POM121C: variants seen among roughly 807,000 people sequenced by gnomAD.
POM121C encodes the protein nuclear envelope pore membrane protein POM 121C.
In POM121C, 20 loss-of-function variants were observed where a neutral mutation model predicts 66.4. The observed-to-expected ratio is 0.30, with a 90% CI of 0.21 to 0.44. The LOEUF is 0.44. POM121C is among the 20% of genes least tolerant of loss of function. The pLI is 1.00. For missense variants in POM121C, 580 were observed against 1,225.7 expected, an observed-to-expected ratio of 0.47 and a Z score of 7.87; for synonymous variants, 286 against 528.0, an observed-to-expected ratio of 0.54 and a Z score of 6.28.
At chr7:75,435,040 C>T (rs1554472907) in intron 7 of POM121C, among the ~76,000 whole-genome samples, 1 of 152,186 alleles carries the variant, frequency 6.6e-6, no homozygotes, top group Non-Finnish European at 1.5e-5. Context: ...AAATCACATG[C>T]GCATTTAACC....
At chr7:75,461,572 G>A (rs1791442240) in intron 3 of POM121C, among the ~76,000 whole-genome samples, 1 of 151,978 alleles carries the variant, frequency 6.6e-6, no homozygotes, top group Admixed American at 6.6e-5. Flanking sequence ...GCACCACCAC[G>A]CCTGGCTAAT....
Position 75,424,218 on chromosome 7 carries a change from G to C in POM121C, c.879C>G (p.Ala293=), listed in dbSNP as rs373281768. 7 of 1,611,958 alleles carry C rather than the reference G, an allele frequency of 4.3e-6. No homozygotes were observed. In the African/African-American group the frequency reaches 6.7e-5, roughly 15 times the overall value. Residue 293 remains alanine (A), a synonymous_variant, in exon 12 of 15, where the codon GCC becomes GCG. Transcript: ENST00000615331. ...NQALEDKSDA[A]SNSVTETPPT... Reference sequence around the variant, plus strand: ...GTGGGGTCTCAGTGACAGAGTTCGAGGCAGCATCTAAGAAAGAAAGAAAGG... The same window carrying C: ...GTGGGGTCTCAGTGACAGAGTTCGACGCAGCATCTAAGAAAGAAAGAAAGG...
chr7:75,477,110 T>TACACAC (rs57918412), intron 1 of POM121C, among the ~76,000 whole-genome samples: 52 of 140,678 alleles, frequency 3.7e-4, no homozygotes, highest in Non-Finnish European at 5.3e-4. Flanking sequence ...TTTGCGTGTA[T>TACACAC]ACACACACAC....
chr7:75,427,204 T>C (rs1789979917), intron 7 of POM121C, among the ~76,000 whole-genome samples: 1 of 152,120 alleles, frequency 6.6e-6, no homozygotes, highest in South Asian at 2.1e-4. Context: ...GGGGGGTGGA[T>C]CACGAGGTCA....
chr7:75,443,338 C>T (rs1367029506), intron 3 of POM121C, among the ~76,000 whole-genome samples: 16 of 151,214 alleles, frequency 1.1e-4, no homozygotes, highest in Admixed American at 1.1e-3. Context: ...TGGGTATAGG[C>T]TTTCTCGTAG....
intron 3 of POM121C, among the ~76,000 whole-genome samples, chr7:75,449,502 C>A (rs1193294756): frequency 6.6e-6 from 1 of 151,940 alleles, no homozygotes. Flanking sequence ...GTAGCTGAGA[C>A]TATAGGCGCC....
In POM121C at chr7:75,417,160, C is replaced by T. The variant is rs1789499840; in HGVS notation, c.*1636G>A. ...CAGCTGCACACGCAGCCAGGTATAA[C>T]ACTCGCCCTCAGTCACAACGGGGAG... is the stretch of plus-strand genomic sequence containing the variant. On this transcript the variant is annotated 3_prime_UTR_variant, in exon 15 of 15. Coordinates refer to ENST00000615331, the MANE Select transcript of POM121C (RefSeq NM_001099415.3). 3 of 991,626 alleles carry T rather than the reference C, an allele frequency of 3.0e-6. No homozygotes were observed. The highest frequency in any genetic ancestry group is 2.4e-6 in the Non-Finnish European group (2 of 829,802). 61.4% of individuals were successfully genotyped at this position (991,626 alleles called of 1,614,324 possible). A position where few individuals can be genotyped will look rare whatever the true frequency, so the allele number is the denominator to read the frequency against.
intron 3 of POM121C, among the ~76,000 whole-genome samples, chr7:75,463,862 T>C (rs1791531999): frequency 1.3e-5 from 2 of 151,780 alleles, no homozygotes; most frequent in South Asian, 4.2e-4. Flanking sequence ...CTGACTGTTT[T>C]TGGATTTTTA....
intron 1 of POM121C, among the ~76,000 whole-genome samples, chr7:75,483,624 A>C (rs2116560890): frequency 6.6e-6 from 1 of 152,306 alleles, no homozygotes; most frequent in South Asian, 2.1e-4. Flanking sequence ...AGAATGGACT[A>C]ATACAGATGG....
chr7:75,439,278 T>G, intron 5 of POM121C, 54 bp from the exon 6 acceptor site: 1 of 1,606,070 alleles, frequency 6.2e-7, no homozygotes, highest in Non-Finnish European at 8.5e-7. Flanking sequence ...GTTTGTCCCT[T>G]TAAAGTGTAT....
At chr7:75,455,731 A>C (rs587610514) in intron 3 of POM121C, among the ~76,000 whole-genome samples, 45 of 151,984 alleles carry the variant, frequency 3.0e-4, no homozygotes, top group African/African-American at 1.0e-3. Flanking sequence ...CATTCCTATC[A>C]GTTTACTGCA....
chr7:75,472,414 G>A (rs1791914560), intron 3 of POM121C, among the ~76,000 whole-genome samples: 2 of 151,998 alleles, frequency 1.3e-5, no homozygotes. Context: ...TCGGGAGGCT[G>A]AGGCACAAGA....
rs1789913767 is a variant in POM121C, at chr7:75,425,617, C to T, written c.646+18G>A. The T allele has an allele frequency of 1.3e-6, 2 of 1,586,364 alleles. No individual in the cohort carries two copies. The highest frequency in any genetic ancestry group is 1.7e-6 in the Non-Finnish European group (2 of 1,167,662). On this transcript the variant is annotated intron_variant, in intron 9 of 14. Coordinates refer to ENST00000615331, the MANE Select transcript of POM121C (RefSeq NM_001099415.3). ...TCCACCACCAACAGCAGCCCCTCCT[C>T]CTGGCTCAGCAACCTACCCTTTTCT...
At chr7:75,434,582 CTTTT>C (rs34484961) in intron 7 of POM121C, among the ~76,000 whole-genome samples, 54 of 98,972 alleles carry the variant, frequency 5.5e-4, no homozygotes, top group Admixed American at 4.8e-3. Flanking sequence ...GCTCAGCTAG[CTTTT>C]TTTTTTTTTT....
At position 75,422,125 on chromosome 7, in the gene POM121C, G is replaced by A. The variant is rs587717457; in HGVS notation, c.2127C>T (p.Ala709=). The A allele has an allele frequency of 5.1e-5, 81 of 1,600,730 alleles. No individual in the cohort carries two copies. Among genetic ancestry groups the A allele is most frequent in the Admixed American group, 2.9e-4 (17 of 59,426 alleles). Residue 709 remains alanine, a synonymous_variant, in exon 13 of 15, where the codon GCC becomes GCT. Transcript: ENST00000615331. ...PGANPQPAFG[A]AEGQPPGAAK... Reference sequence around the variant, plus strand: ...CGGCCCCCGGTGGCTGCCCCTCAGCGGCCCCAAATGCGGGCTGGGGGTTGG... The same window carrying A: ...CGGCCCCCGGTGGCTGCCCCTCAGCAGCCCCAAATGCGGGCTGGGGGTTGG...
At chr7:75,477,244 T>C (rs1554479521) in intron 1 of POM121C, among the ~76,000 whole-genome samples, 2 of 152,154 alleles carry the variant, frequency 1.3e-5, no homozygotes, top group East Asian at 1.9e-4. Flanking sequence ...ATGCTCATTA[T>C]CTACAATTAG....
chr7:75,440,411 C>CA (rs1288180624), intron 5 of POM121C, among the ~76,000 whole-genome samples: 2 of 151,216 alleles, frequency 1.3e-5, no homozygotes, highest in East Asian at 2.0e-4. Flanking sequence ...ACTAAAAATA[C>CA]AAAAAAATTA....
At chr7:75,465,518 G>C (rs1584703116) in intron 3 of POM121C, among the ~76,000 whole-genome samples, 1 of 151,868 alleles carries the variant, frequency 6.6e-6, no homozygotes, top group East Asian at 2.0e-4. Flanking sequence ...ACTTTGGGAG[G>C]CTGAGGCGGG....
chr7:75,444,713 C>T (rs1554474535), intron 3 of POM121C, among the ~76,000 whole-genome samples: 2 of 144,314 alleles, frequency 1.4e-5, no homozygotes, highest in Admixed American at 7.0e-5. Context: ...TGATGGCTTA[C>T]ACATAATCTA....
Sources: allele counts gnomAD v4.1 joint callset (sites outside exome capture counted in the v4.1 genomes callset), GRCh38; gene constraint gnomAD v4.1.1; transcripts MANE v1.5; gene names NCBI Gene and HGNC (gene_info 2026-07-23, HGNC 2026-07-21).